The following COLEC12 variants were observed in gnomAD, a reference collection of about 807,000 sequenced individuals.
COLEC12 encodes the protein collectin-12.
Under a neutral mutation model 71.1 loss-of-function variants are expected in COLEC12, and 33 were observed. The observed-to-expected ratio is 0.46, with a 90% CI of 0.35 to 0.62. The LOEUF is 0.62. Among genes scored for constraint, COLEC12 ranks in the 20% least tolerant of loss-of-function variants. COLEC12 has a pLI of 0.00. For missense variants in COLEC12, 765 were observed against 916.1 expected, an observed-to-expected ratio of 0.84 and a Z score of 2.13; for synonymous variants, 350 against 353.0, an observed-to-expected ratio of 0.99 and a Z score of 0.10.
intron 2 of COLEC12, among the ~76,000 whole-genome samples, chr18:455,950 A>T (rs1916864165): frequency 6.6e-6 from 1 of 152,178 alleles, no homozygotes; most frequent in African/African-American, 2.4e-5. Flanking sequence ...TGCTATTGTA[A>T]ATAGTGCTCA....
Position 448,638 on chromosome 18 carries a change from C to G in COLEC12, c.58+32069G>C, listed in dbSNP as rs539683719. ...TTCAAAAGAAGTAACTGCTGGTGGA[C>G]TTTGAATAAAATGAGAAGTCTGTGA... On this transcript the variant is annotated intron_variant, in intron 2 of 9. Transcript: ENST00000400256. Among the ~76,000 whole-genome samples the G allele has an allele frequency of 5.9e-5, 9 of 152,198 alleles. No homozygotes were observed. The East Asian group carries it at 1.7e-3, about 29-fold the overall frequency.
chr18:400,591 G>A (rs150936740), intron 2 of COLEC12, among the ~76,000 whole-genome samples: 348 of 152,266 alleles, frequency 2.3e-3, no homozygotes, highest in Admixed American at 4.0e-3. Context: ...CAGAGGTTGC[G>A]CAGAGATCTC....
chr18:323,033 T>G (rs1913749946), intron 8 of COLEC12, among the ~76,000 whole-genome samples: 1 of 152,194 alleles, frequency 6.6e-6, no homozygotes, highest in South Asian at 2.1e-4. Context: ...GAGACCAGCC[T>G]GGCCAACATG....
At chr18:444,570 AGT>A (rs1916608924) in intron 2 of COLEC12, among the ~76,000 whole-genome samples, 2 of 152,342 alleles carry the variant, frequency 1.3e-5, no homozygotes, top group South Asian at 4.1e-4. Flanking sequence ...TATCCTCAGA[AGT>A]GGCTTCCAAT....
chr18:484,274 T>C (rs1917479053), intron 1 of COLEC12, among the ~76,000 whole-genome samples: 1 of 152,224 alleles, frequency 6.6e-6, no homozygotes, highest in Non-Finnish European at 1.5e-5. Flanking sequence ...GCAATTTAGC[T>C]GTGTCCTGCT....
At chr18:364,552 C>G (rs573785444) in intron 2 of COLEC12, among the ~76,000 whole-genome samples, 65 of 152,300 alleles carry the variant, frequency 4.3e-4, no homozygotes, top group African/African-American at 1.5e-3. Context: ...CTGACTACTT[C>G]ATTATCTGGC....
At chr18:483,140 C>T (rs1404551138) in intron 1 of COLEC12, among the ~76,000 whole-genome samples, 1 of 152,050 alleles carries the variant, frequency 6.6e-6, no homozygotes, top group Non-Finnish European at 1.5e-5. Flanking sequence ...TGGCTCATGC[C>T]TGTAATCCCA....
intron 2 of COLEC12, among the ~76,000 whole-genome samples, chr18:467,837 T>G (rs1312375739): frequency 6.8e-6 from 1 of 148,134 alleles, no homozygotes; most frequent in Non-Finnish European, 1.5e-5. Flanking sequence ...TGAACAAAAT[T>G]AATACAAGTT....
At chr18:426,419 A>G (rs1302893820) in intron 2 of COLEC12, among the ~76,000 whole-genome samples, 1 of 152,160 alleles carries the variant, frequency 6.6e-6, no homozygotes, top group Admixed American at 6.5e-5. Flanking sequence ...GGTAATGAAG[A>G]GCAATGTAAG....
chr18:382,601 T>A (rs1378025918), intron 2 of COLEC12, among the ~76,000 whole-genome samples: 1 of 152,204 alleles, frequency 6.6e-6, no homozygotes. Flanking sequence ...ACTCCACTTA[T>A]TAGCACTAAT....
intron 2 of COLEC12, among the ~76,000 whole-genome samples, chr18:458,858 C>A (rs1916922475): frequency 6.6e-6 from 1 of 152,244 alleles, no homozygotes; most frequent in South Asian, 2.1e-4. Context: ...CTTTTTGAGA[C>A]AGGGTCTTGC....
chr18:465,906 C>G (rs1467967018), intron 2 of COLEC12, among the ~76,000 whole-genome samples: 7 of 152,030 alleles, frequency 4.6e-5, no homozygotes, highest in African/African-American at 1.7e-4. Context: ...AACCCAGTCT[C>G]TACCAAAAAA....
At chr18:462,843 C>A (rs1239086507) in intron 2 of COLEC12, among the ~76,000 whole-genome samples, 2 of 152,192 alleles carry the variant, frequency 1.3e-5, no homozygotes, top group Non-Finnish European at 2.9e-5. Flanking sequence ...CCAAGACAGA[C>A]AATTGTTGAA....
Position 498,363 on chromosome 18 carries a change from C to CTTTTTTTTTTTTTTT in COLEC12, c.7+2144_7+2145insAAAAAAAAAAAAAAA, listed in dbSNP as rs542727500. 1.8e-4 allele frequency among the ~76,000 whole-genome samples: 18 copies of CTTTTTTTTTTTTTTT among 100,736 alleles called. 1 individual carries two copies. Among genetic ancestry groups the CTTTTTTTTTTTTTTT allele is most frequent in the African/African-American group, 6.4e-4 (14 of 21,882 alleles). 66.1% of individuals were successfully genotyped at this position (100,736 alleles called of 152,430 possible). A position where few individuals can be genotyped will look rare whatever the true frequency, so the allele number is the denominator to read the frequency against. ...AAAACTCTCATGGAATATTTTTTTT[C>CTTTTTTTTTTTTTTT]TTTTTTTTTTTTTTAGACGGAGTCT... On this transcript the variant is annotated intron_variant, in intron 1 of 9. Transcript: ENST00000400256.
At chr18:360,180 T>C (rs1914713412) in intron 2 of COLEC12, among the ~76,000 whole-genome samples, 1 of 148,670 alleles carries the variant, frequency 6.7e-6, no homozygotes, top group Non-Finnish European at 1.5e-5. Context: ...TTGGATTTCT[T>C]TTTTTTTTTT....
chr18:329,108 C>T (rs955986500), intron 8 of COLEC12, among the ~76,000 whole-genome samples: 2 of 152,132 alleles, frequency 1.3e-5, no homozygotes, highest in South Asian at 2.1e-4. Context: ...TGTCTGGTGA[C>T]GTCATTCTTC....
At chr18:328,201 G>A (rs895552791) in intron 8 of COLEC12, among the ~76,000 whole-genome samples, 2 of 152,200 alleles carry the variant, frequency 1.3e-5, no homozygotes, top group East Asian at 3.9e-4. Flanking sequence ...GTTCATAATC[G>A]TCTCCTGCGA....
intron 2 of COLEC12, among the ~76,000 whole-genome samples, chr18:421,972 C>T (rs1916107535): frequency 6.6e-6 from 1 of 152,188 alleles, no homozygotes; most frequent in Admixed American, 6.5e-5. Context: ...AGGCAAATTA[C>T]TGCTGGGTGA....
At chr18:466,571 T>C (rs543714970) in intron 2 of COLEC12, among the ~76,000 whole-genome samples, 2 of 152,148 alleles carry the variant, frequency 1.3e-5, no homozygotes, top group Non-Finnish European at 2.9e-5. Flanking sequence ...GACAGGCTTA[T>C]TAGATGAGGA....
Sources: gnomAD v4.1 joint callset for allele counts (sites outside exome capture counted in the v4.1 genomes callset) on GRCh38, gnomAD v4.1.1 for gene constraint, MANE v1.5 for transcripts, NCBI Gene and HGNC (gene_info 2026-07-23, HGNC 2026-07-21) for gene names.